BMP8B: variants seen among roughly 807,000 people sequenced by gnomAD.
BMP8B encodes bone morphogenetic protein 8b, also known as bone morphogenetic protein 8 (osteogenic protein 2).
In BMP8B, 17 loss-of-function variants were observed where a neutral mutation model predicts 30.3. That is an observed-to-expected ratio of 0.56 (90% CI 0.38 to 0.84). The LOEUF (loss-of-function observed/expected upper bound fraction) is 0.84, where lower values mean the gene tolerates loss of function less well. BMP8B is among the 40% of genes least tolerant of loss of function. The pLI, the probability that BMP8B is intolerant of heterozygous loss-of-function variation, is 0.00. For missense variants in BMP8B, 253 were observed against 494.6 expected (o/e 0.51, Z 4.63); for synonymous variants, 131 against 214.7 (o/e 0.61, Z 3.41).
At chr1:39,783,115 T>C (rs1650764133) in intron 1 of BMP8B, among the ~76,000 whole-genome samples, 1 of 152,196 alleles carries the variant, frequency 6.6e-6, no homozygotes. Flanking sequence ...ATGCCGAGAC[T>C]TTAAATGATC....
chr1:39,760,661 C>T, intron 6 of BMP8B, 93 bp from the exon 7 acceptor site: 2 of 1,476,812 alleles, frequency 1.4e-6, no homozygotes, highest in Non-Finnish European at 9.1e-7. Flanking sequence ...TGCTCCCTGC[C>T]CTGGCCATCT....
At chr1:39,762,626 A>G (rs1043731836) in intron 6 of BMP8B, 3 of 1,547,966 alleles carry the variant, frequency 1.9e-6, no homozygotes, top group African/African-American at 2.7e-5. Flanking sequence ...ACCATCTAGA[A>G]GCTTCCTGCC....
At chr1:39,779,261 C>T (rs373547157) in intron 1 of BMP8B, among the ~76,000 whole-genome samples, 1 of 152,184 alleles carries the variant, frequency 6.6e-6, no homozygotes, top group Non-Finnish European at 1.5e-5. Context: ...ATTGTCGGCC[C>T]GCACACAGAC....
rs1165434477 is a variant in BMP8B at position 39,762,728 on chromosome 1, G to C, written c.1059+364C>G. The C allele has an allele frequency of 1.7e-5, 25 of 1,431,538 alleles. No individual in the cohort carries two copies. In the South Asian group the frequency reaches 3.2e-4, roughly 19 times the overall value. The allele number at this position is 1,431,538 out of a possible 1,614,324, so 88.7% of individuals were successfully genotyped here. A position where few individuals can be genotyped will look rare whatever the true frequency, so the allele number is the denominator to read the frequency against. The stretch of plus-strand genomic sequence containing the variant: ...GGTCAGACTTGCCAGCGTACTCGGC[G>C]GCCCGTGTGCTAAGATCACACAGCC... On this transcript the variant is annotated intron_variant, in intron 6 of 6. Transcript: ENST00000372827.
rs1648491810 is a variant in BMP8B at position 39,758,125 on chromosome 1, T to G, written c.*2294A>C. 6.6e-6 allele frequency: 1 copy of G among 152,228 alleles called. No homozygotes were observed. The highest frequency in any genetic ancestry group is 1.5e-5 in the Non-Finnish European group (1 of 68,044). 9.4% of individuals were successfully genotyped at this position (152,228 alleles called of 1,614,324 possible). On this transcript the variant is annotated 3_prime_UTR_variant, in exon 7 of 7. Coordinates refer to ENST00000372827, the MANE Select transcript of BMP8B (RefSeq NM_001720.5). Reference sequence around the variant, plus strand: ...TAAAGATACAGGTGGAGTAAAAAATTAATTGTCAAAATAACTGGCTAATTT... The same window carrying G: ...TAAAGATACAGGTGGAGTAAAAAATGAATTGTCAAAATAACTGGCTAATTT...
At chr1:39,770,605 C>G in intron 3 of BMP8B, 1 of 1,593,816 alleles carries the variant, frequency 6.3e-7, no homozygotes, top group South Asian at 1.1e-5. Flanking sequence ...CGTTTCCTGC[C>G]CGGTCGGCCT....
rs1486729076 is a variant in BMP8B, at chr1:39,788,642, C to G, written c.-157G>C. The G allele has an allele frequency of 1.4e-6, 1 of 692,900 alleles. No homozygotes were observed. Among genetic ancestry groups the G allele is most frequent in the Non-Finnish European group, 1.8e-6 (1 of 563,730 alleles). 42.9% of individuals were successfully genotyped at this position (692,900 alleles called of 1,614,324 possible). On this transcript the variant is annotated 5_prime_UTR_variant, in exon 1 of 7. Coordinates refer to ENST00000372827, the MANE Select transcript of BMP8B (RefSeq NM_001720.5). The surrounding 1 kb of genome is among the most constrained non-coding windows in gnomAD (Gnocchi z 5.8). ...ACGGGCGGCGACCGCGGCCTCAGCG[C>G]GGTCCCTGGAGCGCCCGCCGCGCGA...
intron 3 of BMP8B, among the ~76,000 whole-genome samples, chr1:39,771,849 CG>C (rs1431937459): frequency 7.2e-6 from 1 of 139,762 alleles, no homozygotes; most frequent in Non-Finnish European, 1.6e-5. Flanking sequence ...AGAGGCCCCC[CG>C]TCTTGTCCTC....
At position 39,760,374 on chromosome 1, in the gene BMP8B, G is replaced by A. The variant is rs12094291; in HGVS notation, c.*45C>T. The stretch of plus-strand genomic sequence containing the variant: ...AGGGTTTCCTGCTTCTGAGGGGCCC[G>A]ATCCAGATGAGAAGGGTGGCTGCAG... On this transcript the variant is annotated 3_prime_UTR_variant, in exon 7 of 7. Transcript: ENST00000372827. 0.35 allele frequency: 569,279 copies of A among 1,608,368 alleles called. 103,097 individuals carry two copies. The highest frequency in any genetic ancestry group is 0.39 in the South Asian group (35,832 of 90,914).
chr1:39,778,340 C>T (rs566544254), intron 1 of BMP8B, among the ~76,000 whole-genome samples: 8 of 151,774 alleles, frequency 5.3e-5, no homozygotes, highest in Non-Finnish European at 8.8e-5. Context: ...CCCAGAGCCC[C>T]GGGTGCATGG....
At position 39,763,399 on chromosome 1, in the gene BMP8B, G is replaced by A. The variant is rs1405207546; in HGVS notation, c.949-197C>T. Among the ~76,000 whole-genome samples, 2 of 144,354 alleles carry A rather than the reference G, an allele frequency of 1.4e-5. 1 individual carries two copies. The highest frequency in any genetic ancestry group is 5.2e-5 in the African/African-American group (2 of 38,586). 94.7% of individuals were successfully genotyped at this position (144,354 alleles called of 152,430 possible). On this transcript the variant is annotated intron_variant, in intron 5 of 6. Transcript: ENST00000372827. ...TTCACTTTGCGTCCCCTCCCCAGCC[G>A]GCCCTCCCCTGCCCACGCCTCCCAG...
At chr1:39,784,111 C>T (rs1650827870) in intron 1 of BMP8B, among the ~76,000 whole-genome samples, 1 of 152,152 alleles carries the variant, frequency 6.6e-6, no homozygotes, top group East Asian at 1.9e-4. Context: ...AGGAAAACCA[C>T]CTATCTGCTC....
chr1:39,785,704 A>G (rs956620566), intron 1 of BMP8B, among the ~76,000 whole-genome samples: 1 of 152,192 alleles, frequency 6.6e-6, no homozygotes, highest in African/African-American at 2.4e-5. Context: ...CTCTGCCCAC[A>G]TGACTGTAAT....
Position 39,788,048 on chromosome 1 carries a change from C to G in BMP8B, c.334+104G>C. 1 of 1,379,246 alleles carries G rather than the reference C, an allele frequency of 7.3e-7. No individual in the cohort carries two copies. The highest frequency in any genetic ancestry group is 9.4e-7 in the Non-Finnish European group (1 of 1,069,058). 85.4% of individuals were successfully genotyped at this position (1,379,246 alleles called of 1,614,324 possible). A position where few individuals can be genotyped will look rare whatever the true frequency, so the allele number is the denominator to read the frequency against. Reference sequence around the variant, plus strand: ...CTCCCCTGTGGTTCGCGTCCACCGTCTGTGACTCCCCGTTCGGCCAGGGCC... The same window carrying G: ...CTCCCCTGTGGTTCGCGTCCACCGTGTGTGACTCCCCGTTCGGCCAGGGCC... On this transcript the variant is annotated intron_variant, in intron 1 of 6. Coordinates refer to ENST00000372827, the MANE Select transcript of BMP8B (RefSeq NM_001720.5). The surrounding 1 kb of genome is among the most constrained non-coding windows in gnomAD (Gnocchi z 5.8).
At chr1:39,787,046 G>A (rs1287230811) in intron 1 of BMP8B, among the ~76,000 whole-genome samples, 1 of 152,270 alleles carries the variant, frequency 6.6e-6, no homozygotes, top group Non-Finnish European at 1.5e-5. Flanking sequence ...AGCCCTGGAT[G>A]GACAGTCAGG....
At chr1:39,781,447 TAC>T in intron 1 of BMP8B, among the ~76,000 whole-genome samples, 2 of 152,368 alleles carry the variant, frequency 1.3e-5, no homozygotes, top group Middle Eastern at 6.8e-3. Context: ...TTCATAATTT[TAC>T]ACAGATTAAC....
intron 6 of BMP8B, chr1:39,762,733 G>A (rs1252522035): frequency 1.1e-5 from 15 of 1,421,228 alleles, no homozygotes; most frequent in Admixed American, 5.4e-5. Flanking sequence ...TCGGCGGCCC[G>A]TGTGCTAAGA....
chr1:39,788,622 C>T lies in BMP8B; in HGVS notation c.-137G>A, dbSNP rs1432219166. ...GGGCGGCGGGGCGGGGCGGGACGGG[C>T]GGCGACCGCGGCCTCAGCGCGGTCC... On this transcript the variant is annotated 5_prime_UTR_variant, in exon 1 of 7. Transcript: ENST00000372827. The surrounding 1 kb of genome is among the most constrained non-coding windows in gnomAD (Gnocchi z 5.8). The T allele has an allele frequency of 5.0e-6, 4 of 801,646 alleles. No individual in the cohort carries two copies. Among genetic ancestry groups the T allele is most frequent in the African/African-American group, 1.9e-5 (1 of 53,230 alleles). 49.7% of individuals were successfully genotyped at this position (801,646 alleles called of 1,614,324 possible).
chr1:39,780,644 C>A (rs2124493120), intron 1 of BMP8B, among the ~76,000 whole-genome samples: 1 of 152,354 alleles, frequency 6.6e-6, no homozygotes, highest in South Asian at 2.1e-4. Context: ...GTCATCTCAG[C>A]ACTTTGGGAG....
Sources: gnomAD v4.1 joint callset for allele counts (sites outside exome capture counted in the v4.1 genomes callset) on GRCh38, gnomAD v4.1.1 for gene constraint, Gnocchi (gnomAD v3.1) non-coding constraint, MANE v1.5 for transcripts, NCBI Gene and HGNC (gene_info 2026-07-23, HGNC 2026-07-21) for gene names.